CDH10: variants seen among roughly 807,000 people sequenced by gnomAD.
CDH10 encodes cadherin 10.
Under a neutral mutation model 73.1 loss-of-function variants are expected in CDH10, and 30 were observed. That is an observed-to-expected ratio of 0.41 (90% CI 0.31 to 0.56). CDH10 has a LOEUF of 0.56. CDH10 is among the 20% of genes least tolerant of loss of function. The pLI is 0.27. For synonymous variants in CDH10, 345 were observed against 348.2 expected (o/e 0.99, Z 0.10); for missense variants, 815 against 973.7 (o/e 0.84, Z 2.17).
chr5:24,640,018 T>C (rs1381840119), intron 1 of CDH10, among the ~76,000 whole-genome samples: 1 of 151,802 alleles, frequency 6.6e-6, no homozygotes, highest in Non-Finnish European at 1.5e-5. Context: ...ATAAAAGAGT[T>C]GCTTTCATTT....
rs779453026 is a variant in CDH10, at chr5:24,580,186, G to T, written c.231+13074C>A. 2.6e-5 allele frequency among the ~76,000 whole-genome samples: 4 copies of T among 151,856 alleles called. No individual in the cohort carries two copies. The East Asian group carries it at 7.7e-4, about 29-fold the overall frequency. On this transcript the variant is annotated intron_variant, in intron 2 of 11. Transcript: ENST00000264463. ...TTTAAGTTCAGAGGTACCTGTGCAGGTTTGTTATATAGGTAAACCCATGTC... is the reference window on the plus strand; with the variant it reads ...TTTAAGTTCAGAGGTACCTGTGCAGTTTTGTTATATAGGTAAACCCATGTC...
chr5:24,637,332 G>T (rs975208302), intron 1 of CDH10, among the ~76,000 whole-genome samples: 3 of 151,946 alleles, frequency 2.0e-5, no homozygotes, highest in Non-Finnish European at 4.4e-5. Context: ...TTCTTCAGCA[G>T]TATATCTAAT....
At chr5:24,541,970 T>C (rs1744172513) in intron 2 of CDH10, among the ~76,000 whole-genome samples, 1 of 152,140 alleles carries the variant, frequency 6.6e-6, no homozygotes, top group Non-Finnish European at 1.5e-5. Flanking sequence ...CATTATTACA[T>C]TTGTTTATAT....
chr5:24,608,085 A>G (rs1030672175), intron 1 of CDH10, among the ~76,000 whole-genome samples: 3 of 152,100 alleles, frequency 2.0e-5, no homozygotes, highest in African/African-American at 7.2e-5. Flanking sequence ...AATATTTCAT[A>G]TTTTTAAACA....
At chr5:24,540,324 T>C (rs894945203) in intron 2 of CDH10, among the ~76,000 whole-genome samples, 3 of 152,076 alleles carry the variant, frequency 2.0e-5, no homozygotes, top group East Asian at 1.9e-4. Flanking sequence ...TAAGGCAAGA[T>C]AGAGGTCATT....
chr5:24,539,498 G>T (rs1702620610), intron 2 of CDH10, among the ~76,000 whole-genome samples: 1 of 151,836 alleles, frequency 6.6e-6, no homozygotes, highest in East Asian at 1.9e-4. Flanking sequence ...CTACTTTTTG[G>T]TTAATGGAAG....
intron 5 of CDH10, among the ~76,000 whole-genome samples, chr5:24,527,918 C>A (rs1743591110): frequency 6.6e-6 from 1 of 151,696 alleles, no homozygotes. Flanking sequence ...GTTTATCCTA[C>A]CAAAATGCAA....
At chr5:24,553,131 T>C (rs763368437) in intron 2 of CDH10, among the ~76,000 whole-genome samples, 1 of 152,190 alleles carries the variant, frequency 6.6e-6, no homozygotes, top group Non-Finnish European at 1.5e-5. Context: ...GACCATTTCA[T>C]TAACTTCTTC....
intron 1 of CDH10, among the ~76,000 whole-genome samples, chr5:24,635,850 T>C (rs1747850489): frequency 6.6e-6 from 1 of 151,922 alleles, no homozygotes; most frequent in Non-Finnish European, 1.5e-5. Context: ...ATGTTTTGGT[T>C]CAAACTCCCA....
intron 2 of CDH10, among the ~76,000 whole-genome samples, chr5:24,538,171 T>G (rs1325376175): frequency 3.3e-5 from 5 of 152,114 alleles, no homozygotes; most frequent in African/African-American, 4.8e-5. Context: ...ACAAAGTTCT[T>G]ACTTTAAAAA....
chr5:24,587,152 T>C (rs575981328), intron 2 of CDH10, among the ~76,000 whole-genome samples: 1 of 152,216 alleles, frequency 6.6e-6, no homozygotes, highest in African/African-American at 2.4e-5. Context: ...CCGCCCATAT[T>C]CTTTAATAAA....
chr5:24,638,737 T>C (rs1405309985), intron 1 of CDH10, among the ~76,000 whole-genome samples: 3 of 151,828 alleles, frequency 2.0e-5, no homozygotes, highest in Non-Finnish European at 1.5e-5. Context: ...CAACTTATAA[T>C]GCTTTAAGAA....
intron 8 of CDH10, among the ~76,000 whole-genome samples, chr5:24,500,583 A>G (rs1369869371): frequency 1.3e-5 from 2 of 152,208 alleles, no homozygotes; most frequent in African/African-American, 4.8e-5. Context: ...TTGTTATGTT[A>G]CTTTGGCCAA....
At position 24,535,387 on chromosome 5, in the gene CDH10, G is replaced by A. The variant is rs955599292; in HGVS notation, c.647-108C>T. ...AGCTAGTGATTTTTTTGAAAGATAC[G>A]TTTTGATACTCGTTTTTATTGTCTA... On this transcript the variant is annotated intron_variant, in intron 4 of 11. Coordinates refer to ENST00000264463, the MANE Select transcript of CDH10 (RefSeq NM_006727.5). 3.6e-5 allele frequency: 35 copies of A among 979,310 alleles called. No homozygotes were observed. The East Asian group carries it at 7.6e-4, about 21-fold the overall frequency. The allele number at this position is 979,310 out of a possible 1,614,324, so 60.7% of individuals were successfully genotyped here.
At chr5:24,558,269 T>G (rs570094472) in intron 2 of CDH10, among the ~76,000 whole-genome samples, 1 of 151,770 alleles carries the variant, frequency 6.6e-6, no homozygotes, top group South Asian at 2.1e-4. Flanking sequence ...TTCAGAATAT[T>G]TTGTTATATA....
intron 1 of CDH10, among the ~76,000 whole-genome samples, chr5:24,630,989 T>C (rs56097271): frequency 0.56 from 85,406 of 152,010 alleles, 28,190 homozygotes; most frequent in Admixed American, 0.73. Flanking sequence ...GTAGCTAGAT[T>C]GAATACTTTG....
At chr5:24,535,501 T>G (rs545039450) in intron 4 of CDH10, among the ~76,000 whole-genome samples, 2 of 152,240 alleles carry the variant, frequency 1.3e-5, no homozygotes, top group Non-Finnish European at 2.9e-5. Flanking sequence ...TGGCCTATGC[T>G]TATATGTTCA....
chr5:24,572,790 T>C (rs1745435667), intron 2 of CDH10, among the ~76,000 whole-genome samples: 1 of 152,002 alleles, frequency 6.6e-6, no homozygotes, highest in South Asian at 2.1e-4. Flanking sequence ...TCTTGTGTCT[T>C]TCTCACACCA....
At position 24,487,602 on chromosome 5, in the gene CDH10, GA is replaced by G. The variant is rs1741885679; in HGVS notation, c.*60del. 2.7e-6 allele frequency: 4 copies of G among 1,482,486 alleles called. No homozygotes were observed. The Admixed American group carries it at 8.7e-5, about 32-fold the overall frequency. The allele number at this position is 1,482,486 out of a possible 1,614,324, so 91.8% of individuals were successfully genotyped here. On this transcript the variant is annotated 3_prime_UTR_variant, in exon 12 of 12. Transcript: ENST00000264463. ...AATGCTCCTGAATATCAAATATTGTGAAGTGGAGACAGCATGGGTAGAGTTA... is the reference window on the plus strand; with the variant it reads ...AATGCTCCTGAATATCAAATATTGTGAGTGGAGACAGCATGGGTAGAGTTA...
Sources: gnomAD v4.1 joint callset for allele counts (sites outside exome capture counted in the v4.1 genomes callset) on GRCh38, gnomAD v4.1.1 for gene constraint, MANE v1.5 for transcripts, NCBI Gene and HGNC (gene_info 2026-07-23, HGNC 2026-07-21) for gene names.